Variants in PTPRK observed in about 807,000 individuals in gnomAD.
PTPRK encodes the protein receptor-type tyrosine-protein phosphatase kappa.
PTPRK carries 75 observed loss-of-function variants against 178.0 expected under a neutral mutation model. The ratio of observed to expected loss-of-function variants is 0.42; its 90% confidence interval spans 0.35 to 0.51. The LOEUF (loss-of-function observed/expected upper bound fraction) is 0.51, where lower values mean the gene tolerates loss of function less well. PTPRK is among the 20% of genes least tolerant of loss of function. PTPRK has a pLI of 0.02. For missense variants in PTPRK, 1,441 were observed against 1,797.8 expected (o/e 0.80, Z 3.59); for synonymous variants, 637 against 620.6 (o/e 1.03, Z -0.39).
At chr6:127,976,505 G>A (rs1333396328) in intron 27 of PTPRK, 152 bp downstream of exon 27, 11 of 926,972 alleles carry the variant, frequency 1.2e-5, no homozygotes, top group Admixed American at 2.8e-5. Context: ...ATTTTTATTC[G>A]AGTACTAAGG....
intron 1 of PTPRK, among the ~76,000 whole-genome samples, chr6:128,448,368 G>A (rs1847306012): frequency 6.6e-6 from 1 of 152,156 alleles, no homozygotes. Context: ...TGCAAAGAAT[G>A]TTTGGTCTTT....
At chr6:128,090,967 T>C (rs766300574) in intron 7 of PTPRK, among the ~76,000 whole-genome samples, 5 of 152,172 alleles carry the variant, frequency 3.3e-5, no homozygotes, top group Non-Finnish European at 7.4e-5. Context: ...GGGAAAATAA[T>C]ACAAAAAGTC....
intron 13 of PTPRK, among the ~76,000 whole-genome samples, chr6:128,031,775 G>A (rs1244464699): frequency 6.6e-6 from 1 of 151,912 alleles, no homozygotes; most frequent in Non-Finnish European, 1.5e-5. Flanking sequence ...AACTAATTTA[G>A]AACAGTTTAA....
intron 7 of PTPRK, among the ~76,000 whole-genome samples, chr6:128,102,265 G>A (rs1053265207): frequency 6.6e-6 from 1 of 152,164 alleles, no homozygotes; most frequent in African/African-American, 2.4e-5. Flanking sequence ...CAGATCACTT[G>A]CTTAGAATTC....
intron 1 of PTPRK, among the ~76,000 whole-genome samples, chr6:128,422,804 C>T (rs891259766): frequency 6.0e-5 from 9 of 150,094 alleles, no homozygotes; most frequent in Non-Finnish European, 1.0e-4. Context: ...ACTGAGCTAA[C>T]GCTAAAATTT....
intron 13 of PTPRK, among the ~76,000 whole-genome samples, chr6:128,047,653 T>G (rs1367884807): frequency 6.6e-6 from 1 of 152,182 alleles, no homozygotes; most frequent in Non-Finnish European, 1.5e-5. Context: ...TGGTAATGAT[T>G]AGGTTACATG....
At chr6:128,404,988 T>C (rs192213112) in intron 1 of PTPRK, among the ~76,000 whole-genome samples, 1 of 152,266 alleles carries the variant, frequency 6.6e-6, no homozygotes, top group African/African-American at 2.4e-5. Context: ...GAGAAGGTAT[T>C]CCCCATTCCA....
At chr6:128,038,511 C>G (rs992077257) in intron 13 of PTPRK, among the ~76,000 whole-genome samples, 21 of 152,096 alleles carry the variant, frequency 1.4e-4, no homozygotes, top group African/African-American at 4.3e-4. Context: ...CTTATAACTT[C>G]TAGAGATACT....
Position 128,083,715 on chromosome 6 carries a change from C to T in PTPRK, c.1575G>A (p.Glu525=). ...LDPNGIITQY[E]ISYSSIRSFD... ...ATTAACTTCCTTGTTCTCCCAATAC[C>T]TCATATTGAGTGATGATTCCATTTG... is the stretch of plus-strand genomic sequence containing the variant. Residue 525 remains glutamate, a splice_region_variant and synonymous_variant, in exon 9 of 30, where the codon GAG becomes GAA. Transcript: ENST00000368226. The T allele has an allele frequency of 1.3e-6, 2 of 1,561,834 alleles. No individual in the cohort carries two copies. Among genetic ancestry groups the T allele is most frequent in the Non-Finnish European group, 1.8e-6 (2 of 1,139,636 alleles).
chr6:128,011,669 A>T (rs1779075716), intron 13 of PTPRK, among the ~76,000 whole-genome samples: 1 of 151,158 alleles, frequency 6.6e-6, no homozygotes, highest in Non-Finnish European at 1.5e-5. Context: ...CAGAACTGAC[A>T]TGAGGGTGAT....
chr6:128,481,180 T>C (rs1012548031), intron 1 of PTPRK, among the ~76,000 whole-genome samples: 3 of 152,130 alleles, frequency 2.0e-5, no homozygotes, highest in East Asian at 3.9e-4. Context: ...TCTTTTGAAG[T>C]AATTTTGAAA....
chr6:128,403,138 T>C (rs1393187679), intron 1 of PTPRK, among the ~76,000 whole-genome samples: 4 of 152,334 alleles, frequency 2.6e-5, no homozygotes, highest in Admixed American at 2.6e-4. Flanking sequence ...GAGTTCCATC[T>C]CTAGCCAAGA....
rs781332519 is a variant in PTPRK at position 128,238,183 on chromosome 6, G to GT, written c.693+1851_693+1852insA. ...ATAAATTCACCATTCTGTAGCAAACGCCAAAAAAAAAAAAAAAAAGAAAAG... is the reference window on the plus strand; with the variant it reads ...ATAAATTCACCATTCTGTAGCAAACGTCCAAAAAAAAAAAAAAAAAGAAAAG... On this transcript the variant is annotated intron_variant, in intron 5 of 29. Transcript: ENST00000368226. The GT allele has an allele frequency of 3.9e-3, 821 of 210,724 alleles. 6 individuals carry two copies. The highest frequency in any genetic ancestry group is 0.011 in the Middle Eastern group (6 of 570). 13.1% of individuals were successfully genotyped at this position (210,724 alleles called of 1,614,324 possible). A position where few individuals can be genotyped will look rare whatever the true frequency, so the allele number is the denominator to read the frequency against.
At chr6:128,500,339 C>T (rs1855360611) in intron 1 of PTPRK, among the ~76,000 whole-genome samples, 1 of 151,410 alleles carries the variant, frequency 6.6e-6, no homozygotes, top group African/African-American at 2.4e-5. Flanking sequence ...CTAGTTAATA[C>T]AATCATGTGA....
rs1858577176 is a variant in PTPRK, at chr6:128,519,174, T to C, written c.100+1085A>G. The C allele has an allele frequency of 2.1e-6, 1 of 474,070 alleles. No individual in the cohort carries two copies. Among genetic ancestry groups the C allele is most frequent in the South Asian group, 1.5e-5 (1 of 64,732 alleles). 29.4% of individuals were successfully genotyped at this position (474,070 alleles called of 1,614,324 possible). ...GGTTGGCCAGAAAAGTTGTCAGGAC[T>C]GGCGGGAGGTAGACAAGTGCTCGGG... is the stretch of plus-strand genomic sequence containing the variant. On this transcript the variant is annotated intron_variant, in intron 1 of 29. Transcript: ENST00000368226. This position sits in a 1 kb window ranked among gnomAD's most constrained non-coding sequence, Gnocchi z 4.3.
chr6:128,330,241 T>A (rs2128325246), intron 2 of PTPRK, among the ~76,000 whole-genome samples: 1 of 152,350 alleles, frequency 6.6e-6, no homozygotes, highest in South Asian at 2.1e-4. Context: ...CCATCGGGGA[T>A]ATTTTTTTTC....
chr6:128,157,727 AT>A (rs1379287840), intron 7 of PTPRK, among the ~76,000 whole-genome samples: 1 of 152,090 alleles, frequency 6.6e-6, no homozygotes, highest in Non-Finnish European at 1.5e-5. Context: ...TACTGGCTGC[AT>A]AAATGTCTTC....
chr6:128,015,607 G>C (rs1285673717), intron 13 of PTPRK, among the ~76,000 whole-genome samples: 1 of 151,698 alleles, frequency 6.6e-6, no homozygotes, highest in Non-Finnish European at 1.5e-5. Flanking sequence ...ACATTCAAGA[G>C]GAAAAGGCAA....
intron 2 of PTPRK, among the ~76,000 whole-genome samples, chr6:128,374,881 T>C (rs1836803354): frequency 6.6e-6 from 1 of 152,016 alleles, no homozygotes; most frequent in Non-Finnish European, 1.5e-5. Flanking sequence ...CTTCCACTCT[T>C]TTCTTTAAAC....
Sources: gnomAD v4.1 joint callset for allele counts (sites outside exome capture counted in the v4.1 genomes callset) on GRCh38, gnomAD v4.1.1 for gene constraint, Gnocchi (gnomAD v3.1) non-coding constraint, MANE v1.5 for transcripts, NCBI Gene and HGNC (gene_info 2026-07-23, HGNC 2026-07-21) for gene names.